The following DGAT1 variants were observed in gnomAD, a reference collection of about 807,000 sequenced individuals.
The protein encoded by DGAT1 is diacylglycerol O-acyltransferase 1.
DGAT1 carries 60 observed loss-of-function variants against 72.6 expected under a neutral mutation model. That is an observed-to-expected ratio of 0.83 (90% CI 0.67 to 1.02). The LOEUF is 1.02. DGAT1 is among the 50% of genes least tolerant of loss of function. The pLI is 0.00. For missense variants in DGAT1, 592 were observed against 670.0 expected, an observed-to-expected ratio of 0.88 and a Z score of 1.29; for synonymous variants, 290 against 267.5, an observed-to-expected ratio of 1.08 and a Z score of -0.82.
intron 2 of DGAT1, among the ~76,000 whole-genome samples, chr8:144,320,565 CCT>C (rs1817421053): frequency 6.6e-6 from 1 of 152,168 alleles, no homozygotes; most frequent in Non-Finnish European, 1.5e-5. Flanking sequence ...CCACATCAGC[CCT>C]GAGTTGGGGA....
Position 144,314,655 on chromosome 8 carries a change from G to GAT in DGAT1, c.*1897_*1898dup. On this transcript the variant is annotated 3_prime_UTR_variant, in exon 17 of 17. Transcript: ENST00000528718. The stretch of plus-strand genomic sequence containing the variant: ...GTTCCCCGCTCCACAGAGATACACA[G>GAT]ATATATACACACAGTGGATGGACGG... The GAT allele has an allele frequency of 2.6e-6, 1 of 389,924 alleles. No individual in the cohort carries two copies. Among genetic ancestry groups the GAT allele is most frequent in the Admixed American group, 3.8e-5 (1 of 26,602 alleles). 24.2% of individuals were successfully genotyped at this position (389,924 alleles called of 1,614,324 possible).
chr8:144,320,449 G>A (rs561671686), intron 2 of DGAT1, among the ~76,000 whole-genome samples: 5 of 152,294 alleles, frequency 3.3e-5, no homozygotes, highest in African/African-American at 9.6e-5. Flanking sequence ...GACCATGGGC[G>A]GTGGGGGATG....
chr8:144,316,974 GCATACCCCTGCC>G (rs1347674524), intron 15 of DGAT1, 36 bp downstream of exon 15: 18 of 1,611,700 alleles, frequency 1.1e-5, no homozygotes, highest in Non-Finnish European at 1.5e-5. Context: ...CCTGCTGTGG[GCATACCCCTGCC>G]CAGGGATGAG....
At position 144,319,067 on chromosome 8, in the gene DGAT1, A is replaced by T; in HGVS notation, c.290T>A (p.Ile97Asn). Residue 97 changes from isoleucine to asparagine, a missense_variant and splice_region_variant, in exon 3 of 17, where the codon ATC (isoleucine) becomes AAC (asparagine). Ile to Asn is a moderately radical substitution (Grantham distance 149). Transcript: ENST00000528718. ...CAGAAATAACCGGGCATTGCTCAAG[A>T]TCTGCGAGGGATGGACAGGAGGGTG... is the stretch of plus-strand genomic sequence containing the variant. ...GILNWCVVML[I>N]LSNARLFLEN... 6.4e-7 allele frequency: 1 copy of T among 1,554,310 alleles called. No individual in the cohort carries two copies.
At position 144,319,051 on chromosome 8, in the gene DGAT1, C is replaced by T. The variant is rs782407423; in HGVS notation, c.306G>A (p.Arg102=). The change falls in exon 3 of 17, where the codon CGG becomes CGA. Residue 102 remains arginine, a synonymous_variant. Coordinates refer to ENST00000528718, the MANE Select transcript of DGAT1 (RefSeq NM_012079.6). ...ACTTGATGAGGTTCTCCAGAAATAA[C>T]CGGGCATTGCTCAAGATCTGCGAGG... is the stretch of plus-strand genomic sequence containing the variant. ...CVVMLILSNA[R]LFLENLIKYG... The T allele has an allele frequency of 3.9e-6, 6 of 1,556,598 alleles. No individual in the cohort carries two copies. Among genetic ancestry groups the T allele is most frequent in the African/African-American group, 1.4e-5 (1 of 73,428 alleles).
chr8:144,318,481 A>G lies in DGAT1; in HGVS notation c.554T>C (p.Leu185Pro), dbSNP rs782648879. 4.1e-5 allele frequency: 66 copies of G among 1,611,440 alleles called. 1 individual carries two copies. The highest frequency in any genetic ancestry group is 5.3e-5 in the Non-Finnish European group (63 of 1,179,838). ...CGCACCTGGAGTGATAGACTCAACCAGTAAGACCACAGCCGCTGGGAAACA... is the reference window on the plus strand; with the variant it reads ...CGCACCTGGAGTGATAGACTCAACCGGTAAGACCACAGCCGCTGGGAAACA... Reference protein sequence around the residue: ...ILCFPAAVVLLVESITPVGSL... With the variant: ...ILCFPAAVVLPVESITPVGSL... The change falls in exon 6 of 17, where the codon CTG (leucine) becomes CCG (proline). Residue 185 changes from leucine (L) to proline (P), a missense_variant. Transcript: ENST00000528718.
In DGAT1 at chr8:144,316,913, G is replaced by A. The variant is rs782116263; in HGVS notation, c.1251C>T (p.Tyr417=). ...ACATTCGCAGAGGGACGCTCACCAGGTACTGAGATGGGAGGGAGAGAGGAT... is the reference window on the plus strand; with the variant it reads ...ACATTCGCAGAGGGACGCTCACCAGATACTGAGATGGGAGGGAGAGAGGAT... The part of the protein sequence containing the change: ...VFLASAFFHE[Y]LVSVPLRMFR... Residue 417 remains tyrosine (Y), a splice_region_variant and synonymous_variant, in exon 16 of 17, where the codon TAC becomes TAT. Coordinates refer to ENST00000528718, the MANE Select transcript of DGAT1 (RefSeq NM_012079.6). The A allele has an allele frequency of 1.2e-6, 2 of 1,612,568 alleles. No homozygotes were observed. The highest frequency in any genetic ancestry group is 8.5e-7 in the Non-Finnish European group (1 of 1,179,776).
At position 144,318,103 on chromosome 8, in the gene DGAT1, G is replaced by A. The variant is rs55962377; in HGVS notation, c.743C>T (p.Thr248Ile). ...PHTVSYPDNL[T>I]YRDLYYFLFA... ...CCCACAGAGGTCCTCACCGCGGTAG[G>A]TCAGATTGTCCGGGTAGCTCACGGT... The change falls in exon 8 of 17, where the codon ACC becomes ATC. Residue 248 changes from threonine to isoleucine, a missense_variant. Physicochemically the swap from Thr to Ile is moderately conservative, Grantham distance 89. Transcript: ENST00000528718. 6.5e-7 allele frequency: 1 copy of A among 1,534,428 alleles called. No homozygotes were observed. Among genetic ancestry groups the A allele is most frequent in the South Asian group, 1.3e-5 (1 of 78,174 alleles).
At position 144,326,825 on chromosome 8, in the gene DGAT1, C is replaced by G; in HGVS notation, c.-189G>C. The G allele has an allele frequency of 3.2e-6, 1 of 309,514 alleles. No homozygotes were observed. Among genetic ancestry groups the G allele is most frequent in the Non-Finnish European group, 5.2e-6 (1 of 191,972 alleles). 19.2% of individuals were successfully genotyped at this position (309,514 alleles called of 1,614,324 possible). A position where few individuals can be genotyped will look rare whatever the true frequency, so the allele number is the denominator to read the frequency against. ...TCGGGCCCGTCGGCCTCAAGGACAA[C>G]GGCTGCGTTGCTCCGGAGCCGCTAA... On this transcript the variant is annotated 5_prime_UTR_variant, in exon 1 of 17. Coordinates refer to ENST00000528718, the MANE Select transcript of DGAT1 (RefSeq NM_012079.6).
chr8:144,321,543 G>T, intron 1 of DGAT1, 135 bp from the exon 2 acceptor site: 1 of 752,334 alleles, frequency 1.3e-6, no homozygotes, highest in Non-Finnish European at 2.3e-6. Flanking sequence ...AGGAGGAGAA[G>T]CCAGGCAGAG....
Position 144,317,085 on chromosome 8 carries a change from T to G in DGAT1, c.1185A>C (p.Arg395=). The G allele has an allele frequency of 6.2e-7, 1 of 1,612,902 alleles. No homozygotes were observed. The highest frequency in any genetic ancestry group is 8.5e-7 in the Non-Finnish European group (1 of 1,179,914). ...TGGCCATCCACTTGCTGCTGCCCCG[T>G]CGAAGCATGGGCTTGTAGAAGTGTC... The part of the protein sequence containing the change: ...CIRHFYKPML[R]RGSSKWMART... The change falls in exon 15 of 17, where the codon CGA becomes CGC. Residue 395 remains arginine, a synonymous_variant. Coordinates refer to ENST00000528718, the MANE Select transcript of DGAT1 (RefSeq NM_012079.6).
rs1411731955 is a variant in DGAT1, at chr8:144,315,907, T to G, written c.*647A>C. 1.0e-6 allele frequency: 1 copy of G among 986,020 alleles called. No individual in the cohort carries two copies. The highest frequency in any genetic ancestry group is 1.2e-6 in the Non-Finnish European group (1 of 830,402). 61.1% of individuals were successfully genotyped at this position (986,020 alleles called of 1,614,324 possible). A position where few individuals can be genotyped will look rare whatever the true frequency, so the allele number is the denominator to read the frequency against. ...CACCAGACCCACACCAGAAAGGCCC[T>G]GTGGACTGCCCATCCCTGGGCCATC... On this transcript the variant is annotated 3_prime_UTR_variant, in exon 17 of 17. Coordinates refer to ENST00000528718, the MANE Select transcript of DGAT1 (RefSeq NM_012079.6).
chr8:144,314,980 G>C lies in DGAT1; in HGVS notation c.*1574C>G. On this transcript the variant is annotated 3_prime_UTR_variant, in exon 17 of 17. Transcript: ENST00000528718. ...GGACCACCAGGAACCCCCTTCCCAA[G>C]GTGTTCGCACTCGGACAGGTGATGC... The C allele has an allele frequency of 1.0e-6, 1 of 985,912 alleles. No individual in the cohort carries two copies. The highest frequency in any genetic ancestry group is 1.2e-6 in the Non-Finnish European group (1 of 830,320). The allele number at this position is 985,912 out of a possible 1,614,324, so 61.1% of individuals were successfully genotyped here.
chr8:144,317,968 A>C lies in DGAT1; in HGVS notation c.801T>G (p.Phe267Leu). ...FAPTLCYELN[F>L]PRSPRIRKRF... The stretch of plus-strand genomic sequence containing the variant: ...GCTTCCGGATGCGGGGAGAGCGGGG[A>C]AAGTTGAGCTCGTAGCACAAGGTGG... Residue 267 changes from phenylalanine to leucine, a missense_variant, in exon 9 of 17, where the codon TTT becomes TTG. Physicochemically the swap from Phe to Leu is conservative, Grantham distance 22. Transcript: ENST00000528718. 1 of 1,519,638 alleles carries C rather than the reference A, an allele frequency of 6.6e-7. No individual in the cohort carries two copies. The highest frequency in any genetic ancestry group is 1.3e-5 in the South Asian group (1 of 75,286). 94.1% of individuals were successfully genotyped at this position (1,519,638 alleles called of 1,614,324 possible).
intron 2 of DGAT1, 24 bp from the exon 3 acceptor site, chr8:144,319,092 G>A: frequency 6.4e-7 from 1 of 1,551,730 alleles, no homozygotes; most frequent in Admixed American, 2.0e-5. Context: ...ACAGGAGGGT[G>A]CAGCCCCTTT....
chr8:144,323,915 CTG>C (rs1192902959), intron 1 of DGAT1, among the ~76,000 whole-genome samples: 1 of 152,260 alleles, frequency 6.6e-6, no homozygotes, highest in Non-Finnish European at 1.5e-5. Context: ...ACTCTGGCCT[CTG>C]GGCTGGGCCT....
intron 11 of DGAT1, 22 bp from the exon 12 acceptor site, chr8:144,317,610 C>G (rs200850838): frequency 1.9e-6 from 3 of 1,613,950 alleles, no homozygotes; most frequent in African/African-American, 2.7e-5. Context: ...AGCCCTTCAG[C>G]TAGCCATGCT....
chr8:144,315,614 C>G lies in DGAT1; in HGVS notation c.*940G>C. ...TACCATCAAGGGGGGCCCCATCTAT[C>G]CAGCTTGGTGGATTGCAGGGCCTGG... On this transcript the variant is annotated 3_prime_UTR_variant, in exon 17 of 17. Coordinates refer to ENST00000528718, the MANE Select transcript of DGAT1 (RefSeq NM_012079.6). The G allele has an allele frequency of 1.0e-6, 1 of 985,636 alleles. No homozygotes were observed. Among genetic ancestry groups the G allele is most frequent in the Non-Finnish European group, 1.2e-6 (1 of 830,068 alleles). 61.1% of individuals were successfully genotyped at this position (985,636 alleles called of 1,614,324 possible).
In DGAT1 at chr8:144,315,044, T is replaced by C; in HGVS notation, c.*1510A>G. On this transcript the variant is annotated 3_prime_UTR_variant, in exon 17 of 17. Transcript: ENST00000528718. The stretch of plus-strand genomic sequence containing the variant: ...TGTCTTTCTGCCAGAGCCAGCACCC[T>C]GTGTAGGCACGGGGAACGGGAGCCT... 7.1e-6 allele frequency: 7 copies of C among 985,510 alleles called. No individual in the cohort carries two copies. Among genetic ancestry groups the C allele is most frequent in the Non-Finnish European group, 8.4e-6 (7 of 830,026 alleles). 61.0% of individuals were successfully genotyped at this position (985,510 alleles called of 1,614,324 possible). A position where few individuals can be genotyped will look rare whatever the true frequency, so the allele number is the denominator to read the frequency against.
Sources: allele counts gnomAD v4.1 joint callset (sites outside exome capture counted in the v4.1 genomes callset), GRCh38; gene constraint gnomAD v4.1.1; transcripts MANE v1.5; gene names NCBI Gene and HGNC (gene_info 2026-07-23, HGNC 2026-07-21).